The following RAD9B variants were observed in gnomAD, a reference collection of about 807,000 sequenced individuals.
The protein encoded by RAD9B is cell cycle checkpoint control protein RAD9B.
A neutral mutation model predicts 48.3 loss-of-function variants in RAD9B; 41 were observed. The ratio of observed to expected loss-of-function variants is 0.85; its 90% CI spans 0.66 to 1.10. RAD9B has a LOEUF of 1.10. Among genes scored for constraint, RAD9B ranks in the 50% least tolerant of loss-of-function variants. The probability of loss-of-function intolerance (pLI) is 0.00; values close to 1 mark genes in which losing one functional copy is unlikely to be tolerated. For synonymous variants in RAD9B, 160 were observed against 157.9 expected, an observed-to-expected ratio of 1.01 and a Z score of -0.10; for missense variants, 444 against 485.1, an observed-to-expected ratio of 0.92 and a Z score of 0.80.
At chr12:110,522,127 T>C in intron 9 of RAD9B, 50 bp from the exon 10 acceptor site, 1 of 1,214,760 alleles carries the variant, frequency 8.2e-7, no homozygotes, top group Non-Finnish European at 1.2e-6. Flanking sequence ...TATATAAAAA[T>C]ATATTTCACA....
intron 10 of RAD9B, among the ~76,000 whole-genome samples, 167 bp from the exon 11 acceptor site, chr12:110,530,358 A>G (rs960563916): frequency 6.7e-6 from 1 of 149,678 alleles, no homozygotes; most frequent in Non-Finnish European, 1.5e-5. Flanking sequence ...GTTTGGTTTT[A>G]GGACGTGTTG....
At chr12:110,526,915 A>G (rs1425563368) in intron 10 of RAD9B, among the ~76,000 whole-genome samples, 1 of 151,674 alleles carries the variant, frequency 6.6e-6, no homozygotes, top group Non-Finnish European at 1.5e-5. Context: ...TCTCAAAAAA[A>G]AAAAAAAAAG....
intron 10 of RAD9B, among the ~76,000 whole-genome samples, chr12:110,524,253 G>C (rs1241856524): frequency 6.6e-6 from 1 of 152,194 alleles, no homozygotes; most frequent in African/African-American, 2.4e-5. Context: ...ACAGGCACAT[G>C]GTCAGTGCTT....
chr12:110,507,853 T>C (rs34918485), intron 4 of RAD9B, among the ~76,000 whole-genome samples: 2 of 151,702 alleles, frequency 1.3e-5, no homozygotes, highest in Non-Finnish European at 2.9e-5. Context: ...TTTTACCATG[T>C]TGGTCAGGCA....
intron 4 of RAD9B, among the ~76,000 whole-genome samples, chr12:110,512,294 A>G (rs1271300953): frequency 6.6e-6 from 1 of 151,990 alleles, no homozygotes; most frequent in Non-Finnish European, 1.5e-5. Context: ...GATTACAGGC[A>G]TGCACCACCA....
intron 5 of RAD9B, among the ~76,000 whole-genome samples, chr12:110,513,417 A>G (rs1395179780): frequency 6.6e-6 from 1 of 152,094 alleles, no homozygotes; most frequent in Non-Finnish European, 1.5e-5. Context: ...ACACCCCATC[A>G]GTGGCTTTCT....
At chr12:110,522,475 T>C in intron 10 of RAD9B, 64 bp downstream of exon 10, 6 of 1,175,680 alleles carry the variant, frequency 5.1e-6, no homozygotes, top group Non-Finnish European at 7.4e-6. Context: ...CTTTGCAGTC[T>C]TCCTCCCCAA....
Position 110,503,877 on chromosome 12 carries a change from G to A in RAD9B, c.117+1G>A, listed in dbSNP as rs1161116155. 2 of 1,552,032 alleles carry A rather than the reference G, an allele frequency of 1.3e-6. No individual in the cohort carries two copies. Among genetic ancestry groups the A allele is most frequent in the African/African-American group, 1.4e-5 (1 of 72,092 alleles). Reference sequence around the variant, plus strand: ...CTGGCTAGACCCATCTAAAAAAGGTGTAAGTAAGAAAGTTAACAGATCACG... The same window carrying A: ...CTGGCTAGACCCATCTAAAAAAGGTATAAGTAAGAAAGTTAACAGATCACG... On this transcript the variant is annotated splice_donor_variant, in intron 2 of 10. Coordinates refer to ENST00000409300, the MANE Select transcript of RAD9B (RefSeq NM_001286535.2). LOFTEE classifies it high-confidence loss of function.
intron 9 of RAD9B, 106 bp from the exon 10 acceptor site, chr12:110,522,071 T>C (rs2063803071): frequency 1.4e-6 from 1 of 690,866 alleles, no homozygotes; most frequent in African/African-American, 1.8e-5. Context: ...TTTCAATATA[T>C]TCCCTAATCC....
chr12:110,522,417 A>G lies in RAD9B; in HGVS notation c.1125+6A>G. ...GGTCTCTGTGTCTCAGAAAGGTAAA[A>G]GCATTGAGATTCAACCACATCTCAG... On this transcript the variant is annotated splice_donor_region_variant and intron_variant, in intron 10 of 10. Transcript: ENST00000409300. 1.3e-6 allele frequency: 2 copies of G among 1,583,736 alleles called. No individual in the cohort carries two copies. The highest frequency in any genetic ancestry group is 1.7e-6 in the Non-Finnish European group (2 of 1,159,902).
At chr12:110,512,276 G>A (rs1174530893) in intron 4 of RAD9B, among the ~76,000 whole-genome samples, 7 of 151,944 alleles carry the variant, frequency 4.6e-5, no homozygotes. Flanking sequence ...AGCCTCCCAG[G>A]TAGCTGGGAT....
chr12:110,510,073 A>G (rs900757820), intron 4 of RAD9B, among the ~76,000 whole-genome samples: 1 of 152,220 alleles, frequency 6.6e-6, no homozygotes, highest in Non-Finnish European at 1.5e-5. Flanking sequence ...TCGGTGCTCA[A>G]AACTCTCCCA....
At position 110,506,324 on chromosome 12, in the gene RAD9B, G is replaced by T. The variant is rs531117948; in HGVS notation, c.274-255G>T. 8.6e-5 allele frequency among the ~76,000 whole-genome samples: 13 copies of T among 151,978 alleles called. No homozygotes were observed. The South Asian group carries it at 1.9e-3, about 22-fold the overall frequency. ...CTGCCTCAGCCTCCCGAGTAGCTGG[G>T]ACTACAGGCGCCCGCCACTACGCCT... On this transcript the variant is annotated intron_variant, in intron 3 of 10. Coordinates refer to ENST00000409300, the MANE Select transcript of RAD9B (RefSeq NM_001286535.2).
intron 1 of RAD9B, chr12:110,502,756 A>G (rs1400625159): frequency 5.8e-6 from 1 of 173,656 alleles, no homozygotes; most frequent in African/African-American, 2.4e-5. Flanking sequence ...CCCAGATTCT[A>G]CCATTTTTAA....
intron 4 of RAD9B, among the ~76,000 whole-genome samples, chr12:110,510,336 CA>C (rs1276446854): frequency 6.6e-6 from 1 of 151,944 alleles, no homozygotes; most frequent in Non-Finnish European, 1.5e-5. Context: ...TGGTAGATCA[CA>C]AAAAAAATTG....
At position 110,505,636 on chromosome 12, in the gene RAD9B, A is replaced by C. The variant is rs1565876256; in HGVS notation, c.137A>C (p.Asn46Thr). ...SKKGLALRCV[N>T]SSRSAYGCVL... ...TTCTAGCTTGCTCTAAGATGTGTGA[A>C]TTCTTCTCGGTCAGCATATGGATGT... is the stretch of plus-strand genomic sequence containing the variant. The change falls in exon 3 of 11, where the codon AAT (asparagine) becomes ACT (threonine). Residue 46 changes from asparagine to threonine, a missense_variant. Asn to Thr is a moderately conservative substitution (Grantham distance 65). Transcript: ENST00000409300. 3.8e-6 allele frequency: 6 copies of C among 1,558,976 alleles called. No homozygotes were observed. Among genetic ancestry groups the C allele is most frequent in the Non-Finnish European group, 5.2e-6 (6 of 1,150,698 alleles).
chr12:110,509,108 G>C (rs1425145015), intron 4 of RAD9B, among the ~76,000 whole-genome samples: 5 of 152,270 alleles, frequency 3.3e-5, no homozygotes, highest in African/African-American at 1.2e-4. Flanking sequence ...GGGACTACAG[G>C]CGCCTGCCAC....
intron 3 of RAD9B, 44 bp from the exon 4 acceptor site, chr12:110,506,535 C>A: frequency 1.0e-6 from 1 of 973,294 alleles, no homozygotes; most frequent in South Asian, 1.3e-5. Flanking sequence ...TAAAATGAAT[C>A]AACCATGTTA....
At chr12:110,530,377 A>G (rs2064099259) in intron 10 of RAD9B, 148 bp from the exon 11 acceptor site, 2 of 603,986 alleles carry the variant, frequency 3.3e-6, no homozygotes, top group Non-Finnish European at 5.5e-6. Context: ...TGGACCAATA[A>G]TGAAGGTTCT....
Sources: allele counts gnomAD v4.1 joint callset (sites outside exome capture counted in the v4.1 genomes callset), GRCh38; gene constraint gnomAD v4.1.1; transcripts MANE v1.5; gene names NCBI Gene and HGNC (gene_info 2026-07-23, HGNC 2026-07-21).